The following KRT75 variants were observed in gnomAD, a reference collection of about 807,000 sequenced individuals.
KRT75 encodes the protein keratin, type II cytoskeletal 75.
A neutral mutation model predicts 48.8 loss-of-function variants in KRT75; 35 were observed. The ratio of observed to expected loss-of-function variants is 0.72; its 90% confidence interval spans 0.55 to 0.95. KRT75 has a LOEUF of 0.95. Among genes scored for constraint, KRT75 ranks in the 40% least tolerant of loss-of-function variants. KRT75 has a pLI of 0.00. For synonymous variants in KRT75, 301 were observed against 282.3 expected, an observed-to-expected ratio of 1.07 and a Z score of -0.66; for missense variants, 776 against 709.9, an observed-to-expected ratio of 1.09 and a Z score of -1.06.
At chr12:52,428,207 G>A (rs1201592081) in intron 7 of KRT75, 49 bp downstream of exon 7, 1 of 1,608,440 alleles carries the variant, frequency 6.2e-7, no homozygotes, top group Non-Finnish European at 8.5e-7. Flanking sequence ...CCAGGAAGCT[G>A]AGGTGAGCTC....
intron 3 of KRT75, 130 bp from the exon 4 acceptor site, chr12:52,431,768 G>A (rs759145599): frequency 2.3e-5 from 19 of 816,350 alleles, no homozygotes; most frequent in Non-Finnish European, 3.9e-5. Flanking sequence ...GGTGATTTGG[G>A]GTTGGGGATG....
At chr12:52,433,350 C>G (rs77309852) in intron 1 of KRT75, 98 bp from the exon 2 acceptor site, 1 of 1,086,984 alleles carries the variant, frequency 9.2e-7, no homozygotes, top group Non-Finnish European at 1.4e-6. Context: ...ATTTTTTTCA[C>G]TTGGCACCCA....
chr12:52,424,582 C>G lies in KRT75; in HGVS notation c.1591G>C (p.Gly531Arg). The stretch of plus-strand genomic sequence containing the variant: ...ACAAACTTGACGCTAGAACCACTGC[C>G]CCCTAAGCCCCGGTTGCTGGTGGCA... ...FSATSNRGLG[G>R]SGSSVKFVST... Residue 531 changes from glycine (G) to arginine (R), a missense_variant, in exon 9 of 9, where the codon GGC (glycine) becomes CGC (arginine). Physicochemically the swap from Gly to Arg is moderately radical, Grantham distance 125. Transcript: ENST00000252245. The G allele has an allele frequency of 1.2e-6, 2 of 1,614,164 alleles. No individual in the cohort carries two copies. Among genetic ancestry groups the G allele is most frequent in the East Asian group, 4.5e-5 (2 of 44,868 alleles).
rs1200183178 is a variant in KRT75, at chr12:52,431,680, C to A, written c.775-42G>T. 4 of 1,381,320 alleles carry A rather than the reference C, an allele frequency of 2.9e-6. No individual in the cohort carries two copies. In the East Asian group the frequency reaches 9.1e-5, roughly 32 times the overall value. 85.6% of individuals were successfully genotyped at this position (1,381,320 alleles called of 1,614,324 possible). ...GGATGCTCCTTTGAGTCTGCAGCCC[C>A]AAGTATCTAGTCCAAAAGAAGCTGA... On this transcript the variant is annotated intron_variant, in intron 3 of 8. Coordinates refer to ENST00000252245, the MANE Select transcript of KRT75 (RefSeq NM_004693.3).
rs2121512578 is a variant in KRT75, at chr12:52,428,660, C to A, written c.1119G>T (p.Met373Ile). The change falls in exon 6 of 9, where the codon ATG becomes ATT. Residue 373 changes from methionine to isoleucine, a missense_variant. By Grantham distance (10) the Met-to-Ile change is conservative. Transcript: ENST00000252245. Reference protein sequence around the residue: ...TKQEISEMNRMIQRLRAEIDS... With the variant: ...TKQEISEMNRIIQRLRAEIDS... The stretch of plus-strand genomic sequence containing the variant: ...CAATCTCAGCTCTCAGCCTCTGGAT[C>A]ATGCGGTTCATTTCAGAGATCTCTT... 6.2e-7 allele frequency: 1 copy of A among 1,614,216 alleles called. No individual in the cohort carries two copies. The highest frequency in any genetic ancestry group is 8.5e-7 in the Non-Finnish European group (1 of 1,180,038).
chr12:52,430,561 C>T lies in KRT75; in HGVS notation c.1015G>A (p.Glu339Lys). The T allele has an allele frequency of 6.2e-7, 1 of 1,614,142 alleles. No homozygotes were observed. Among genetic ancestry groups the T allele is most frequent in the Non-Finnish European group, 8.5e-7 (1 of 1,180,018 alleles). The part of the protein sequence containing the change: ...DIANRSRAEA[E>K]SWYQTKYEEL... ...CTCACCTTGGTCTGGTACCAGGACTCAGCCTCGGCCCGGCTGCGGTTGGCA... is the reference window on the plus strand; with the variant it reads ...CTCACCTTGGTCTGGTACCAGGACTTAGCCTCGGCCCGGCTGCGGTTGGCA... The change falls in exon 5 of 9, where the codon GAG becomes AAG. Residue 339 changes from glutamate to lysine, a missense_variant. Physicochemically the swap from Glu to Lys is moderately conservative, Grantham distance 56. Coordinates refer to ENST00000252245, the MANE Select transcript of KRT75 (RefSeq NM_004693.3).
At chr12:52,429,366 C>G (rs911278276) in intron 5 of KRT75, among the ~76,000 whole-genome samples, 12 of 152,152 alleles carry the variant, frequency 7.9e-5, no homozygotes, top group African/African-American at 2.7e-4. Context: ...ATTTTGAAGA[C>G]TTTGTAAAAG....
rs369588705 is a variant in KRT75, at chr12:52,425,954, T to C, written c.1417+863A>G. Among the ~76,000 whole-genome samples, 5 of 152,348 alleles carry C rather than the reference T, an allele frequency of 3.3e-5. No individual in the cohort carries two copies. In the South Asian group the frequency reaches 6.2e-4, roughly 19 times the overall value. ...AGCTTCAAGGTTATGCTTGAAGGCC[T>C]GTCCCCAAAATTAGCTTTGAGGGTC... On this transcript the variant is annotated intron_variant, in intron 8 of 8. Transcript: ENST00000252245.
At chr12:52,426,164 A>G (rs548132030) in intron 8 of KRT75, among the ~76,000 whole-genome samples, 1 of 152,330 alleles carries the variant, frequency 6.6e-6, no homozygotes, top group South Asian at 2.1e-4. Context: ...TTGTGATGCC[A>G]GCACTGAGCT....
At chr12:52,425,760 G>T (rs1940069300) in intron 8 of KRT75, among the ~76,000 whole-genome samples, 2 of 152,244 alleles carry the variant, frequency 1.3e-5, no homozygotes, top group South Asian at 2.1e-4. Context: ...CAGGAGGCTG[G>T]TCCAGGCTCC....
rs2121512999 is a variant in KRT75, at chr12:52,432,000, A to G, written c.774+6T>C. The G allele has an allele frequency of 3.7e-6, 6 of 1,613,772 alleles. No individual in the cohort carries two copies. The highest frequency in any genetic ancestry group is 4.2e-6 in the Non-Finnish European group (5 of 1,179,768). Reference sequence around the variant, plus strand: ...CTTCTCCTTTGAGAGAAACATCCCCACTCACCTTTTTCAGGGCTACAAATT... The same window carrying G: ...CTTCTCCTTTGAGAGAAACATCCCCGCTCACCTTTTTCAGGGCTACAAATT... On this transcript the variant is annotated splice_donor_region_variant and intron_variant, in intron 3 of 8. Coordinates refer to ENST00000252245, the MANE Select transcript of KRT75 (RefSeq NM_004693.3).
chr12:52,432,397 A>G (rs1342345375), intron 2 of KRT75, among the ~76,000 whole-genome samples: 1 of 152,224 alleles, frequency 6.6e-6, no homozygotes, highest in Admixed American at 6.5e-5. Flanking sequence ...GAAATCGTGG[A>G]GTAAACTTTA....
At chr12:52,428,861 C>T in intron 5 of KRT75, 118 bp from the exon 6 acceptor site, 2 of 1,227,178 alleles carry the variant, frequency 1.6e-6, no homozygotes, top group Non-Finnish European at 2.4e-6. Context: ...GTCATTCACT[C>T]ATTCCCCCTG....
intron 8 of KRT75, among the ~76,000 whole-genome samples, chr12:52,426,332 T>C (rs553646778): frequency 6.6e-6 from 1 of 152,352 alleles, no homozygotes; most frequent in Admixed American, 6.5e-5. Context: ...TCGGCAGAGT[T>C]GAGCCAAGCA....
Position 52,434,353 on chromosome 12 carries a change from G to A in KRT75, c.-49C>T. On this transcript the variant is annotated 5_prime_UTR_variant, in exon 1 of 9. Transcript: ENST00000252245. ...AAGGCACCTGAGGTGGGCTGGTACA[G>A]GCAGTGGAGAAGACAGGTGGCTGGA... 6.5e-7 allele frequency: 1 copy of A among 1,546,444 alleles called. No individual in the cohort carries two copies. Among genetic ancestry groups the A allele is most frequent in the Non-Finnish European group, 8.7e-7 (1 of 1,155,848 alleles).
rs373422186 is a variant in KRT75 at position 52,433,276 on chromosome 12, A to C, written c.499-24T>G. 4.2e-5 allele frequency: 67 copies of C among 1,600,466 alleles called. 1 individual carries two copies. In the African/African-American group the frequency reaches 7.9e-4, roughly 19 times the overall value. ...ACCTGGAGGGAAGAAGAGAGAATGA[A>C]ACCTTGAGAAGTTGGAGAGGCAGAG... On this transcript the variant is annotated intron_variant, in intron 1 of 8. Transcript: ENST00000252245.
Position 52,428,406 on chromosome 12 carries a change from G to T in KRT75, c.1232C>A (p.Ala411Asp), listed in dbSNP as rs375210793. Reference sequence around the variant, plus strand: ...GGCCTCCTCAAGGTCCACCAGCTTGGCCCGTGCATCCTTGAGAGCCAGTTC... The same window carrying T: ...GGCCTCCTCAAGGTCCACCAGCTTGTCCCGTGCATCCTTGAGAGCCAGTTC... ...RGELALKDAR[A>D]KLVDLEEALQ... The change falls in exon 7 of 9, where the codon GCC (alanine) becomes GAC (aspartate). Residue 411 changes from alanine to aspartate, a missense_variant. Physicochemically the swap from Ala to Asp is moderately radical, Grantham distance 126. Transcript: ENST00000252245. 25 of 1,614,050 alleles carry T rather than the reference G, an allele frequency of 1.5e-5. No homozygotes were observed. The highest frequency in any genetic ancestry group is 2.1e-5 in the Non-Finnish European group (25 of 1,180,044).
intron 8 of KRT75, among the ~76,000 whole-genome samples, chr12:52,425,331 A>T (rs975021673): frequency 6.6e-6 from 1 of 152,214 alleles, no homozygotes; most frequent in Non-Finnish European, 1.5e-5. Context: ...GCCGAAGGAA[A>T]ATCAAATTTT....
At chr12:52,429,340 G>C (rs955519728) in intron 5 of KRT75, among the ~76,000 whole-genome samples, 1 of 152,196 alleles carries the variant, frequency 6.6e-6, no homozygotes, top group Non-Finnish European at 1.5e-5. Flanking sequence ...ATGGTGCAGA[G>C]GCTGTGGAAG....
Sources: allele counts gnomAD v4.1 joint callset (sites outside exome capture counted in the v4.1 genomes callset), GRCh38; gene constraint gnomAD v4.1.1; transcripts MANE v1.5; gene names NCBI Gene and HGNC (gene_info 2026-07-23, HGNC 2026-07-21).